PITPNA: variants seen among roughly 807,000 people sequenced by gnomAD.
The protein encoded by PITPNA is phosphatidylinositol transfer protein alpha isoform.
Under a neutral mutation model 50.3 loss-of-function variants are expected in PITPNA, and 13 were observed. The ratio of observed to expected loss-of-function variants is 0.26; its 90% CI spans 0.17 to 0.41. The LOEUF is 0.41. PITPNA is among the 10% of genes least tolerant of loss of function. The pLI is 1.00. For synonymous variants in PITPNA, 120 were observed against 119.6 expected, an observed-to-expected ratio of 1.00 and a Z score of -0.02; for missense variants, 207 against 333.4, an observed-to-expected ratio of 0.62 and a Z score of 2.95.
At chr17:1,553,335 C>A (rs1179614822) in intron 2 of PITPNA, among the ~76,000 whole-genome samples, 186 bp from the exon 3 acceptor site, 1 of 152,146 alleles carries the variant, frequency 6.6e-6, no homozygotes, top group East Asian at 1.9e-4. Context: ...CTCCATGGCC[C>A]CTCTTGACCC....
chr17:1,544,120 C>CAGAG (rs1188854877), intron 4 of PITPNA, among the ~76,000 whole-genome samples: 1 of 152,188 alleles, frequency 6.6e-6, no homozygotes, highest in Non-Finnish European at 1.5e-5. Flanking sequence ...GAATCTATCT[C>CAGAG]CTCTAAGAAA....
chr17:1,531,377 A>C (rs1035406638), intron 10 of PITPNA, among the ~76,000 whole-genome samples: 1 of 151,934 alleles, frequency 6.6e-6, no homozygotes, highest in African/African-American at 2.4e-5. Context: ...GGTTCCCCCC[A>C]CTGTAACTAC....
intron 10 of PITPNA, among the ~76,000 whole-genome samples, chr17:1,525,539 CTCACTCTG>C (rs2151002507): frequency 8.4e-6 from 1 of 118,556 alleles, no homozygotes; most frequent in Non-Finnish European, 1.7e-5. Context: ...GAGACAAGGT[CTCACTCTG>C]TCGCTCTGTC....
chr17:1,524,238 G>A (rs568882664), intron 10 of PITPNA, among the ~76,000 whole-genome samples: 32 of 148,286 alleles, frequency 2.2e-4, no homozygotes, highest in South Asian at 6.4e-4. Context: ...TAGAGACGGG[G>A]TTTCACCATG....
chr17:1,542,301 C>G (rs942511604), intron 5 of PITPNA, among the ~76,000 whole-genome samples: 12 of 152,122 alleles, frequency 7.9e-5, no homozygotes, highest in Admixed American at 4.6e-4. Context: ...GGGTAGTAAG[C>G]AGTGTGGAAA....
rs1168305889 is a variant in PITPNA, at chr17:1,533,869, AT to A, written c.768+229del. Among the ~76,000 whole-genome samples, 4 of 151,832 alleles carry A rather than the reference AT, an allele frequency of 2.6e-5. No individual in the cohort carries two copies. In the East Asian group the frequency reaches 7.7e-4, roughly 29 times the overall value. ...CACTTGGCATTCGGCACATACTGCC[AT>A]TTTTGTCTCTGTGGGTATGCCAAGA... On this transcript the variant is annotated intron_variant, in intron 10 of 11. Coordinates refer to ENST00000313486, the MANE Select transcript of PITPNA (RefSeq NM_006224.4).
chr17:1,522,465 T>C (rs1168552050), intron 10 of PITPNA, among the ~76,000 whole-genome samples: 2 of 152,136 alleles, frequency 1.3e-5, no homozygotes, highest in East Asian at 1.9e-4. Context: ...CTCTGCCTCC[T>C]GGATTCAAGC....
rs1205906424 is a variant in PITPNA at position 1,535,582 on chromosome 17, C to T, written c.457-64G>A. On this transcript the variant is annotated intron_variant, in intron 7 of 11. Transcript: ENST00000313486. ...GAGAGGGAGTGAGAGATGGGGAGAA[C>T]AGATCTTTCATTAGCATTCACTCCA... is the stretch of plus-strand genomic sequence containing the variant. 5.1e-6 allele frequency: 5 copies of T among 972,056 alleles called. No individual in the cohort carries two copies. The Admixed American group carries it at 8.8e-5, about 17-fold the overall frequency. 60.2% of individuals were successfully genotyped at this position (972,056 alleles called of 1,614,324 possible). A position where few individuals can be genotyped will look rare whatever the true frequency, so the allele number is the denominator to read the frequency against.
chr17:1,547,269 G>C (rs1350281396), intron 4 of PITPNA, among the ~76,000 whole-genome samples: 4 of 152,000 alleles, frequency 2.6e-5, no homozygotes, highest in Non-Finnish European at 5.9e-5. Context: ...GGGAGGCTGA[G>C]GCAGAAGGAT....
At chr17:1,522,516 G>A (rs543816602) in intron 10 of PITPNA, among the ~76,000 whole-genome samples, 1 of 152,260 alleles carries the variant, frequency 6.6e-6, no homozygotes, top group African/African-American at 2.4e-5. Context: ...GGGATTGCAG[G>A]TATGCACCAT....
chr17:1,548,200 C>T, intron 4 of PITPNA, 96 bp downstream of exon 4: 10 of 755,344 alleles, frequency 1.3e-5, no homozygotes, highest in South Asian at 3.5e-5. Context: ...GGGACCCAGC[C>T]CGAGCCTTTC....
rs2075773230 is a variant in PITPNA at position 1,562,419 on chromosome 17, G to A, written c.20+122C>T. Reference sequence around the variant, plus strand: ...TCCATCCCCGCTGGGCCCGCCTCAGGCACCCTCCGTCCCTGCTGCCCCTCC... The same window carrying A: ...TCCATCCCCGCTGGGCCCGCCTCAGACACCCTCCGTCCCTGCTGCCCCTCC... On this transcript the variant is annotated intron_variant, in intron 1 of 11. Coordinates refer to ENST00000313486, the MANE Select transcript of PITPNA (RefSeq NM_006224.4). This position sits in a 1 kb window ranked among gnomAD's most constrained non-coding sequence, Gnocchi z 6.4. 6.4e-6 allele frequency: 5 copies of A among 775,336 alleles called. No individual in the cohort carries two copies. Among genetic ancestry groups the A allele is most frequent in the South Asian group, 2.7e-5 (1 of 37,630 alleles). The allele number at this position is 775,336 out of a possible 1,614,324, so 48.0% of individuals were successfully genotyped here. A position where few individuals can be genotyped will look rare whatever the true frequency, so the allele number is the denominator to read the frequency against.
At chr17:1,529,459 T>A (rs1490783898) in intron 10 of PITPNA, among the ~76,000 whole-genome samples, 1 of 149,636 alleles carries the variant, frequency 6.7e-6, no homozygotes, top group Non-Finnish European at 1.5e-5. Context: ...GAGGTGGAGG[T>A]TGCTGTGAGC....
At chr17:1,560,344 C>A (rs2075761829) in intron 1 of PITPNA, among the ~76,000 whole-genome samples, 1 of 152,092 alleles carries the variant, frequency 6.6e-6, no homozygotes, top group South Asian at 2.1e-4. Flanking sequence ...TCACTCGCAC[C>A]CTTTCCAGGG....
chr17:1,535,388 G>A, intron 8 of PITPNA, 53 bp downstream of exon 8: 3 of 1,532,742 alleles, frequency 2.0e-6, no homozygotes, highest in Non-Finnish European at 2.7e-6. Context: ...TCCACAGGGA[G>A]CGGCCCACCC....
chr17:1,522,434 G>A (rs899951759), intron 10 of PITPNA, among the ~76,000 whole-genome samples: 4 of 151,982 alleles, frequency 2.6e-5, no homozygotes, highest in South Asian at 2.1e-4. Context: ...GTGCAGTGGC[G>A]CAAAGTTGGC....
intron 3 of PITPNA, among the ~76,000 whole-genome samples, chr17:1,548,898 CTTTT>C (rs774996921): frequency 1.1e-3 from 161 of 151,676 alleles, no homozygotes; most frequent in Middle Eastern, 0.01. Flanking sequence ...CTACTCAATT[CTTTT>C]TTTTTGTTTG....
chr17:1,535,969 C>T (rs2075613441), intron 7 of PITPNA: 1 of 180,284 alleles, frequency 5.5e-6, no homozygotes, highest in Non-Finnish European at 1.2e-5. Context: ...AAAATACAGC[C>T]AGCGCTCAGA....
rs538460547 is a variant in PITPNA at position 1,556,230 on chromosome 17, G to A, written c.51+2299C>T. ...CGCTTCGACCCTACCCAGGCCACGT[G>A]GTACTTTCTTGTCAATGGTTTCTTG... is the stretch of plus-strand genomic sequence containing the variant. On this transcript the variant is annotated intron_variant, in intron 2 of 11. Transcript: ENST00000313486. 9.8e-5 allele frequency among the ~76,000 whole-genome samples: 15 copies of A among 152,298 alleles called. No individual in the cohort carries two copies. In the South Asian group the frequency reaches 3.1e-3, roughly 32 times the overall value.
Sources: gnomAD v4.1 joint callset for allele counts (sites outside exome capture counted in the v4.1 genomes callset) on GRCh38, gnomAD v4.1.1 for gene constraint, Gnocchi (gnomAD v3.1) non-coding constraint, MANE v1.5 for transcripts, NCBI Gene and HGNC (gene_info 2026-07-23, HGNC 2026-07-21) for gene names.